LYPD6B: variants seen among roughly 807,000 people sequenced by gnomAD.
LYPD6B encodes the protein ly6/PLAUR domain-containing protein 6B.
LYPD6B carries 17 observed loss-of-function variants against 22.8 expected under a neutral mutation model. The observed-to-expected ratio is 0.75, with a 90% confidence interval of 0.51 to 1.12. The LOEUF (loss-of-function observed/expected upper bound fraction) is 1.12. Ranked by LOEUF, LYPD6B falls within the 50% of genes most tolerant of loss-of-function variation. LYPD6B has a pLI of 0.00. For missense variants in LYPD6B, 221 were observed against 258.3 expected (o/e 0.86, Z 0.99); for synonymous variants, 106 against 91.6 (o/e 1.16, Z -0.90).
intron 1 of LYPD6B, among the ~76,000 whole-genome samples, chr2:149,097,635 G>C (rs2105469175): frequency 6.6e-6 from 1 of 152,232 alleles, no homozygotes; most frequent in South Asian, 2.1e-4. Flanking sequence ...CTCTGGTCTA[G>C]GATCCTTGTA....
At chr2:149,063,399 G>A (rs1374398371) in intron 1 of LYPD6B, among the ~76,000 whole-genome samples, 1 of 151,998 alleles carries the variant, frequency 6.6e-6, no homozygotes, top group African/African-American at 2.4e-5. Flanking sequence ...CAATTACATC[G>A]TCAAAGTCTT....
chr2:149,120,383 A>ATATATTTTTTTT (rs1327065975), intron 1 of LYPD6B, among the ~76,000 whole-genome samples: 2 of 48,614 alleles, frequency 4.1e-5, no homozygotes, highest in Admixed American at 3.6e-4. Flanking sequence ...ATATATATAT[A>ATATATTTTTTTT]TTTTTTTTTT....
intron 5 of LYPD6B, among the ~76,000 whole-genome samples, chr2:149,212,380 C>CAAAAAAAAAAAAAAAAAAAAAAAAAAAA (rs386391473): frequency 1.7e-5 from 1 of 60,104 alleles, no homozygotes; most frequent in African/African-American, 7.5e-5. Context: ...GACTCCGTCT[C>CAAAAAAAAAAAAAAAAAAAAAAAAAAAA]AAAAAAAAAA....
At chr2:149,150,406 T>A (rs1689295028) in intron 2 of LYPD6B, among the ~76,000 whole-genome samples, 1 of 152,250 alleles carries the variant, frequency 6.6e-6, no homozygotes, top group African/African-American at 2.4e-5. Context: ...TTTGCATATA[T>A]AAAAGTGTCT....
chr2:149,090,147 T>A (rs1248508626), intron 1 of LYPD6B, among the ~76,000 whole-genome samples: 1 of 152,226 alleles, frequency 6.6e-6, no homozygotes, highest in East Asian at 1.9e-4. Flanking sequence ...GAGGATTTTG[T>A]GTCATCACGA....
intron 3 of LYPD6B, among the ~76,000 whole-genome samples, chr2:149,181,629 C>T (rs1011283033): frequency 6.6e-6 from 1 of 152,160 alleles, no homozygotes; most frequent in African/African-American, 2.4e-5. Context: ...AGTCTCATTG[C>T]TTGAAAGACT....
intron 3 of LYPD6B, among the ~76,000 whole-genome samples, chr2:149,180,169 G>C (rs1218903022): frequency 6.6e-6 from 1 of 152,220 alleles, no homozygotes; most frequent in Non-Finnish European, 1.5e-5. Context: ...GTGACGGTAT[G>C]CCTTATGTGA....
At chr2:149,057,106 TG>T (rs2105307014) in intron 1 of LYPD6B, among the ~76,000 whole-genome samples, 1 of 152,344 alleles carries the variant, frequency 6.6e-6, no homozygotes, top group South Asian at 2.1e-4. Context: ...AAATGATTTA[TG>T]TAGTTTTTTG....
intron 1 of LYPD6B, among the ~76,000 whole-genome samples, chr2:149,099,516 G>A (rs1686089663): frequency 7.1e-6 from 1 of 141,764 alleles, no homozygotes; most frequent in South Asian, 2.3e-4. Context: ...GGCAATCCGT[G>A]TTCTGAGATC....
At chr2:149,080,194 T>TC (rs1273727761) in intron 1 of LYPD6B, among the ~76,000 whole-genome samples, 3 of 152,186 alleles carry the variant, frequency 2.0e-5, no homozygotes, top group African/African-American at 7.2e-5. Flanking sequence ...GTTCCAGGCC[T>TC]CTCTCCTGGC....
intron 1 of LYPD6B, among the ~76,000 whole-genome samples, chr2:149,126,143 A>G (rs2105653260): frequency 6.6e-6 from 1 of 152,334 alleles, no homozygotes; most frequent in East Asian, 1.9e-4. Flanking sequence ...GGCTGCTGAG[A>G]AATTAGCTGT....
At chr2:149,168,960 G>A (rs1342745405) in intron 3 of LYPD6B, among the ~76,000 whole-genome samples, 1 of 152,136 alleles carries the variant, frequency 6.6e-6, no homozygotes, top group Non-Finnish European at 1.5e-5. Context: ...CAACAATTAT[G>A]TAGACAGTTA....
chr2:149,155,997 A>G (rs1017782073), intron 2 of LYPD6B, among the ~76,000 whole-genome samples: 1 of 152,022 alleles, frequency 6.6e-6, no homozygotes, highest in Non-Finnish European at 1.5e-5. Flanking sequence ...AAGGATTTTT[A>G]CCCCTACTCT....
chr2:149,148,747 CA>C (rs1212604104), intron 2 of LYPD6B, among the ~76,000 whole-genome samples: 5 of 152,196 alleles, frequency 3.3e-5, no homozygotes, highest in Admixed American at 6.5e-5. Context: ...TCTAGATTGC[CA>C]GTTTGCCTCC....
At chr2:149,163,580 G>T (rs374729764) in intron 3 of LYPD6B, among the ~76,000 whole-genome samples, 1 of 152,254 alleles carries the variant, frequency 6.6e-6, no homozygotes. Context: ...TATAACAAAT[G>T]GGGACTTAAG....
Position 149,119,284 on chromosome 2 carries a change from ACT to A in LYPD6B, c.-66-11596_-66-11595del, listed in dbSNP as rs58993097. The A allele has an allele frequency of 1.6e-3, 239 of 152,334 alleles. 1 individual carries two copies. Among genetic ancestry groups the A allele is most frequent in the African/African-American group, 5.4e-3 (224 of 41,574 alleles). 9.4% of individuals were successfully genotyped at this position (152,334 alleles called of 1,614,324 possible). A position where few individuals can be genotyped will look rare whatever the true frequency, so the allele number is the denominator to read the frequency against. ...CCAATAAATGTTTTAGTTTAAAAAAACTCTGCTGAAATGTACAATTTACAAAG... is the reference window on the plus strand; with the variant it reads ...CCAATAAATGTTTTAGTTTAAAAAAACTGCTGAAATGTACAATTTACAAAG... On this transcript the variant is annotated intron_variant, in intron 1 of 6. Transcript: ENST00000409642.
At chr2:149,183,513 A>C (rs867395932) in intron 3 of LYPD6B, among the ~76,000 whole-genome samples, 14 of 152,172 alleles carry the variant, frequency 9.2e-5, no homozygotes, top group Admixed American at 2.6e-4. Context: ...TTTTCTGCAG[A>C]TGTGCTTATT....
At chr2:149,044,814 T>A (rs1266944443) in intron 1 of LYPD6B, among the ~76,000 whole-genome samples, 1 of 127,256 alleles carries the variant, frequency 7.9e-6, no homozygotes, top group South Asian at 3.1e-4. Context: ...TTTAAAATTA[T>A]GGGTGGATTT....
chr2:149,212,397 A>AAAG (rs1485615852), intron 5 of LYPD6B, among the ~76,000 whole-genome samples: 1 of 150,730 alleles, frequency 6.6e-6, no homozygotes, highest in African/African-American at 2.4e-5. Flanking sequence ...AAAAAAAAAA[A>AAAG]AAAAAAAGAA....
Sources: gnomAD v4.1 joint callset for allele counts (sites outside exome capture counted in the v4.1 genomes callset) on GRCh38, gnomAD v4.1.1 for gene constraint, MANE v1.5 for transcripts, NCBI Gene and HGNC (gene_info 2026-07-23, HGNC 2026-07-21) for gene names.